Variants in CFH observed in about 807,000 individuals in gnomAD.
CFH encodes the protein H factor 1 (complement).
Under a neutral mutation model 147.3 loss-of-function variants are expected in CFH, and 53 were observed. The ratio of observed to expected loss-of-function variants is 0.36; its 90% CI spans 0.29 to 0.45. The LOEUF (loss-of-function observed/expected upper bound fraction) is 0.45, where lower values mean the gene tolerates loss of function less well. Among genes scored for constraint, CFH ranks in the 20% least tolerant of loss-of-function variants. CFH has a pLI of 1.00. For missense variants in CFH, 1,380 were observed against 1,498.0 expected (o/e 0.92, Z 1.30); for synonymous variants, 536 against 489.4 (o/e 1.10, Z -1.26).
At chr1:196,671,773 TA>T (rs1328977454) in intron 1 of CFH, among the ~76,000 whole-genome samples, 20 of 147,992 alleles carry the variant, frequency 1.4e-4, no homozygotes, top group Admixed American at 8.2e-4. Flanking sequence ...ATATATATAA[TA>T]AAAGCCATTT....
At chr1:196,709,398 G>T (rs1668672309) in intron 9 of CFH, among the ~76,000 whole-genome samples, 1 of 152,098 alleles carries the variant, frequency 6.6e-6, no homozygotes, top group Non-Finnish European at 1.5e-5. Context: ...GTTGTTACAA[G>T]ACGGTTTCAT....
Position 196,725,127 on chromosome 1 carries a change from A to G in CFH, c.1703A>G (p.Glu568Gly), listed in dbSNP as rs1558178226. Residue 568 changes from glutamate (E) to glycine (G), a missense_variant, in exon 12 of 22, where the codon GAA becomes GGA. Transcript: ENST00000367429. ...WSDLPICYER[E>G]CELPKIDVHL... ...TTATTTTACCTTTTTCAAGAAAGAG[A>G]ATGCGAACTTCCTAAAATAGATGTA... 2.5e-6 allele frequency: 4 copies of G among 1,612,600 alleles called. No individual in the cohort carries two copies. In the South Asian group the frequency reaches 4.4e-5, roughly 18 times the overall value.
chr1:196,745,700 C>A, intron 20 of CFH, 117 bp from the exon 21 acceptor site: 1 of 1,430,186 alleles, frequency 7.0e-7, no homozygotes, highest in Non-Finnish European at 9.8e-7. Flanking sequence ...ATTTCTTTCA[C>A]CAGAAATCAC....
chr1:196,742,075 T>G (rs1652826423), intron 19 of CFH, 24 bp downstream of exon 19: 2 of 1,611,884 alleles, frequency 1.2e-6, no homozygotes, highest in Non-Finnish European at 1.7e-6. Flanking sequence ...TTTTCAAAAT[T>G]TATTTATATA....
chr1:196,677,853 C>T, intron 5 of CFH, 186 bp downstream of exon 5: 1 of 593,304 alleles, frequency 1.7e-6, no homozygotes, highest in Non-Finnish European at 3.0e-6. Flanking sequence ...TCAAAAAACT[C>T]CATGATTTAC....
At chr1:196,674,268 T>C (rs1667381982) in intron 3 of CFH, among the ~76,000 whole-genome samples, 1 of 152,144 alleles carries the variant, frequency 6.6e-6, no homozygotes, top group Non-Finnish European at 1.5e-5. Context: ...TTGTGCAGAG[T>C]ATCATGGGAG....
At chr1:196,674,003 T>G (rs1373354286) in intron 3 of CFH, 41 bp downstream of exon 3, 3 of 1,317,580 alleles carry the variant, frequency 2.3e-6, no homozygotes, top group South Asian at 2.4e-5. Flanking sequence ...ATTAAGATAG[T>G]AAATAGGAAC....
At chr1:196,669,545 C>T (rs1299995054) in intron 1 of CFH, among the ~76,000 whole-genome samples, 1 of 152,202 alleles carries the variant, frequency 6.6e-6, no homozygotes, top group African/African-American at 2.4e-5. Flanking sequence ...GGCCAACATA[C>T]AGCTTGGGCC....
chr1:196,660,289 CTT>C (rs1666856233), intron 1 of CFH, among the ~76,000 whole-genome samples: 1 of 152,188 alleles, frequency 6.6e-6, no homozygotes. Flanking sequence ...ATCAGCGTGA[CTT>C]TGCACAGTAA....
At chr1:196,691,052 GA>G (rs1668005641) in intron 9 of CFH, among the ~76,000 whole-genome samples, 2 of 152,028 alleles carry the variant, frequency 1.3e-5, no homozygotes, top group South Asian at 4.1e-4. Context: ...TGTTAGAAAA[GA>G]AAATGATTTG....
At chr1:196,676,111 G>A in intron 4 of CFH, 46 bp downstream of exon 4, 2 of 1,200,514 alleles carry the variant, frequency 1.7e-6, no homozygotes, top group East Asian at 2.5e-5. Context: ...AAATATCTAA[G>A]ATTTAAAAAA....
chr1:196,687,400 TA>T (rs1427332998), intron 7 of CFH, among the ~76,000 whole-genome samples: 2 of 151,998 alleles, frequency 1.3e-5, no homozygotes. Flanking sequence ...GTGACCAAAT[TA>T]GAGAATAGCT....
chr1:196,728,600 A>C, intron 15 of CFH, 78 bp downstream of exon 15: 1 of 1,398,322 alleles, frequency 7.2e-7, no homozygotes, highest in Non-Finnish European at 1.0e-6. Context: ...TCTTTTAAAA[A>C]CTTTAGCTAT....
At chr1:196,721,573 T>C (rs1668999073) in intron 11 of CFH, among the ~76,000 whole-genome samples, 1 of 152,004 alleles carries the variant, frequency 6.6e-6, no homozygotes, top group South Asian at 2.1e-4. Flanking sequence ...TTAGGTCCAT[T>C]TGTTCTACAG....
intron 1 of CFH, among the ~76,000 whole-genome samples, chr1:196,656,686 G>GT (rs563378238): frequency 0.29 from 38,320 of 132,298 alleles, 5,583 homozygotes; most frequent in East Asian, 0.36. Flanking sequence ...TGTGTGTTGC[G>GT]TTTTTTTTTT....
chr1:196,689,194 C>T (rs954285279), intron 7 of CFH, among the ~76,000 whole-genome samples: 25 of 152,094 alleles, frequency 1.6e-4, no homozygotes, highest in South Asian at 1.0e-3. Flanking sequence ...TACAAATTTA[C>T]GCATCATGTG....
At chr1:196,692,775 T>TTTCTTTCG (rs1668096173) in intron 9 of CFH, among the ~76,000 whole-genome samples, 1 of 88,372 alleles carries the variant, frequency 1.1e-5, no homozygotes, top group Non-Finnish European at 2.3e-5. Flanking sequence ...TCTTTCTTTC[T>TTTCTTTCG]TTCTTTCTTT....
chr1:196,707,722 T>G (rs1668625784), intron 9 of CFH, among the ~76,000 whole-genome samples: 1 of 152,190 alleles, frequency 6.6e-6, no homozygotes, highest in African/African-American at 2.4e-5. Flanking sequence ...AAGTAAATCT[T>G]TGATGGGCCT....
At chr1:196,745,788 A>G in intron 20 of CFH, 29 bp from the exon 21 acceptor site, 2 of 1,613,978 alleles carry the variant, frequency 1.2e-6, no homozygotes, top group Non-Finnish European at 8.5e-7. Flanking sequence ...CTCTCACAAC[A>G]AATCAAGTGA....
Sources: allele counts gnomAD v4.1 joint callset (sites outside exome capture counted in the v4.1 genomes callset), GRCh38; gene constraint gnomAD v4.1.1; transcripts MANE v1.5; gene names NCBI Gene and HGNC (gene_info 2026-07-23, HGNC 2026-07-21).